The following MORC4 variants were observed in gnomAD, a reference collection of about 807,000 sequenced individuals.
MORC4 encodes the protein MORC family CW-type zinc finger 4.
Under a neutral mutation model 65.5 loss-of-function variants are expected in MORC4, and 22 were observed. The observed-to-expected ratio is 0.34, with a 90% CI of 0.24 to 0.48. The LOEUF (loss-of-function observed/expected upper bound fraction) is 0.48. Ranked by LOEUF, MORC4 falls within the 20% of genes least tolerant of loss-of-function variation. The pLI is 0.99. For missense variants in MORC4, 624 were observed against 703.0 expected, an observed-to-expected ratio of 0.89 and a Z score of 1.27; for synonymous variants, 267 against 255.8, an observed-to-expected ratio of 1.04 and a Z score of -0.42.
chrX:106,979,931 T>G (rs1934705812), intron 7 of MORC4, among the ~76,000 whole-genome samples: 1 of 110,691 alleles, frequency 9.0e-6, no homozygotes, highest in Non-Finnish European at 1.9e-5. Context: ...TTGTTTATGC[T>G]TTAAGAAAAC....
chrX:106,985,471 TATTTAA>T (rs1159490064), intron 4 of MORC4, among the ~76,000 whole-genome samples: 1 of 112,176 alleles, frequency 8.9e-6, no homozygotes, highest in African/African-American at 3.2e-5. Flanking sequence ...CAAAGTCTTA[TATTTAA>T]AAGATCAAAG....
At chrX:106,963,396 T>C (rs1036307912) in intron 9 of MORC4, among the ~76,000 whole-genome samples, 6 of 112,053 alleles carry the variant, frequency 5.4e-5, no homozygotes, top group Admixed American at 4.7e-4. Flanking sequence ...ATTTCAGTTC[T>C]TAGCTCAGTA....
chrX:106,962,330 G>A (rs1264284696), intron 9 of MORC4, among the ~76,000 whole-genome samples: 2 of 112,383 alleles, frequency 1.8e-5, no homozygotes, highest in Non-Finnish European at 3.8e-5. Flanking sequence ...GGTTGAAAAG[G>A]TGAAATGGTC....
chrX:106,973,818 G>A (rs1454426716), intron 9 of MORC4, among the ~76,000 whole-genome samples: 1 of 111,362 alleles, frequency 9.0e-6, no homozygotes, highest in Non-Finnish European at 1.9e-5. Flanking sequence ...TCTATAAGCT[G>A]GAAAAGACAG....
Position 106,941,278 on chromosome X carries a change from G to A in MORC4, c.*201C>T, listed in dbSNP as rs1933664688. On this transcript the variant is annotated 3_prime_UTR_variant, in exon 17 of 17. Transcript: ENST00000355610. ...GACTCTTGAAAGCCTATTTAAACTG[G>A]CCTCTTTCTCCACACCAAAACTGAT... 3.0e-6 allele frequency: 1 copy of A among 334,497 alleles called. No individual in the cohort carries two copies. Among genetic ancestry groups the A allele is most frequent in the South Asian group, 1.1e-4 (1 of 9,228 alleles). The allele number at this position is 334,497 out of a possible 1,213,427, so 27.6% of individuals were successfully genotyped here. A position where few individuals can be genotyped will look rare whatever the true frequency, so the allele number is the denominator to read the frequency against.
intron 14 of MORC4, among the ~76,000 whole-genome samples, chrX:106,949,127 T>C (rs1255140780): frequency 8.9e-5 from 10 of 111,973 alleles, no homozygotes; most frequent in Non-Finnish European, 1.9e-4. Flanking sequence ...AATCTATAAC[T>C]TATCTATCTT....
chrX:106,941,672 G>C, intron 16 of MORC4, 40 bp from the exon 17 acceptor site: 1 of 1,169,756 alleles, frequency 8.5e-7, no homozygotes, highest in Non-Finnish European at 1.2e-6. Flanking sequence ...GAGATGACAT[G>C]AAGTCATTAA....
intron 3 of MORC4, among the ~76,000 whole-genome samples, chrX:106,991,285 A>G (rs1171825644): frequency 8.9e-6 from 1 of 112,108 alleles, no homozygotes; most frequent in Non-Finnish European, 1.9e-5. Flanking sequence ...GGAATAGCCT[A>G]TTTAGTTATA....
Position 106,961,092 on chromosome X carries a change from T to G in MORC4, c.1256+920A>C, listed in dbSNP as rs191031498. On this transcript the variant is annotated intron_variant, in intron 10 of 16. Transcript: ENST00000355610. ...TTTAACATACTGGGTTCTCTATTCC[T>G]ACTCTCAAGTACTGGTACAATCCCA... Among the ~76,000 whole-genome samples the G allele has an allele frequency of 2.4e-3, 271 of 111,433 alleles. 1 individual carries two copies. Among genetic ancestry groups the G allele is most frequent in the Non-Finnish European group, 2.7e-3 (143 of 53,085 alleles).
chrX:106,979,762 A>C (rs1331452648), intron 7 of MORC4, among the ~76,000 whole-genome samples: 2 of 110,748 alleles, frequency 1.8e-5, no homozygotes, highest in African/African-American at 6.5e-5. Context: ...AAAGCTAGAG[A>C]CAGGTATGTG....
intron 9 of MORC4, among the ~76,000 whole-genome samples, chrX:106,970,552 T>C (rs1934484544): frequency 8.9e-6 from 1 of 112,055 alleles, no homozygotes; most frequent in African/African-American, 3.2e-5. Context: ...ACAGATGACA[T>C]GACTGTATAC....
At chrX:106,959,814 A>G (rs775412067) in intron 10 of MORC4, among the ~76,000 whole-genome samples, 25 of 112,593 alleles carry the variant, frequency 2.2e-4, no homozygotes, top group African/African-American at 7.7e-4. Context: ...TGCTGGGATT[A>G]CAGGCATGAG....
At chrX:106,953,108 A>G (rs184917338) in intron 14 of MORC4, among the ~76,000 whole-genome samples, 1 of 112,184 alleles carries the variant, frequency 8.9e-6, no homozygotes, top group East Asian at 2.8e-4. Flanking sequence ...CCTGTCCTCT[A>G]CAGCCAAAAC....
In MORC4 at chrX:106,965,238, G is replaced by T. The variant is rs750242799; in HGVS notation, c.1158-3128C>A. Among the ~76,000 whole-genome samples the T allele has an allele frequency of 5.4e-5, 6 of 111,939 alleles. No homozygotes were observed. The Admixed American group carries it at 5.7e-4, about 11-fold the overall frequency. On this transcript the variant is annotated intron_variant, in intron 9 of 16. Transcript: ENST00000355610. ...AGGAGCAAAACTTTTGTAAGGAATT[G>T]AAGTTAAGGTAGTATACATCCAAAT...
At chrX:106,991,080 G>A (rs915253369) in intron 3 of MORC4, among the ~76,000 whole-genome samples, 1 of 111,314 alleles carries the variant, frequency 9.0e-6, no homozygotes, top group Non-Finnish European at 1.9e-5. Context: ...AAATTCTATA[G>A]CTAAGAAAGT....
chrX:106,941,533 T>C lies in MORC4; in HGVS notation c.2760A>G (p.Glu920=). The C allele has an allele frequency of 8.3e-7, 1 of 1,210,140 alleles. No individual in the cohort carries two copies. Among genetic ancestry groups the C allele is most frequent in the South Asian group, 1.8e-5 (1 of 56,835 alleles). ...LELREIGYDS[E]QVDGILYTVL... is the part of the protein sequence containing the mutation. ...CCGTGTACAGGATCCCATCCACTTG[T>C]TCTGAGTCATACCCGATCTCACGAA... Residue 920 remains glutamate, a synonymous_variant, in exon 17 of 17, where the codon GAA becomes GAG. Coordinates refer to ENST00000355610, the MANE Select transcript of MORC4 (RefSeq NM_024657.5).
chrX:106,979,325 A>G (rs73533068), intron 7 of MORC4, among the ~76,000 whole-genome samples: 14 of 110,620 alleles, frequency 1.3e-4, no homozygotes, highest in African/African-American at 4.6e-4. Flanking sequence ...CTAACGCAAA[A>G]ACAAAACAAG....
At chrX:106,982,870 A>C (rs1235680927) in intron 5 of MORC4, among the ~76,000 whole-genome samples, 3 of 112,455 alleles carry the variant, frequency 2.7e-5, no homozygotes, top group African/African-American at 9.7e-5. Context: ...GACTCTCAGA[A>C]GTCCTACAAT....
chrX:106,996,088 C>T (rs17326228), intron 2 of MORC4, among the ~76,000 whole-genome samples: 18,042 of 110,911 alleles, frequency 0.16, 1,587 homozygotes, highest in East Asian at 0.55. Context: ...GTTTACCCAA[C>T]GGTGCATTCA....
Sources: allele counts gnomAD v4.1 joint callset (sites outside exome capture counted in the v4.1 genomes callset), GRCh38; gene constraint gnomAD v4.1.1; transcripts MANE v1.5; gene names NCBI Gene and HGNC (gene_info 2026-07-23, HGNC 2026-07-21).